The following ZBTB7C variants were observed in gnomAD, a reference collection of about 807,000 sequenced individuals.
ZBTB7C encodes zinc finger and BTB domain-containing protein 7C.
ZBTB7C carries 8 observed loss-of-function variants against 25.7 expected under a neutral mutation model. That is an observed-to-expected ratio of 0.31 (90% CI 0.18 to 0.56). The LOEUF (loss-of-function observed/expected upper bound fraction) is 0.56. Ranked by LOEUF, ZBTB7C falls within the 20% of genes least tolerant of loss-of-function variation. The pLI, the probability that ZBTB7C is intolerant of heterozygous loss-of-function variation, is 0.91. For synonymous variants in ZBTB7C, 394 were observed against 369.0 expected (o/e 1.07, Z -0.78); for missense variants, 824 against 855.2 (o/e 0.96, Z 0.46).
At chr18:48,037,426 T>C (rs1015817026) in intron 4 of ZBTB7C, among the ~76,000 whole-genome samples, 1 of 152,176 alleles carries the variant, frequency 6.6e-6, no homozygotes, top group African/African-American at 2.4e-5. Context: ...CACCCTCCTA[T>C]ACAACACAGC....
At chr18:48,096,838 A>G (rs185110531) in intron 3 of ZBTB7C, among the ~76,000 whole-genome samples, 1 of 152,350 alleles carries the variant, frequency 6.6e-6, no homozygotes, top group African/African-American at 2.4e-5. Context: ...TTCAACAGTT[A>G]TCAAAGTTTG....
chr18:48,054,063 ATT>A (rs1002349727), intron 3 of ZBTB7C, among the ~76,000 whole-genome samples: 3 of 152,208 alleles, frequency 2.0e-5, no homozygotes, highest in Non-Finnish European at 4.4e-5. Context: ...AGTTCAACGA[ATT>A]TAGAGACAGG....
At chr18:48,349,619 G>A (rs1031806964) in intron 1 of ZBTB7C, among the ~76,000 whole-genome samples, 2 of 152,342 alleles carry the variant, frequency 1.3e-5, no homozygotes, top group Admixed American at 1.3e-4. Context: ...GCTGGAGGAG[G>A]AAAGTTTAAA....
intron 2 of ZBTB7C, among the ~76,000 whole-genome samples, chr18:48,302,104 G>A (rs2144745355): frequency 6.6e-6 from 1 of 152,308 alleles, no homozygotes; most frequent in Admixed American, 6.5e-5. Context: ...GGCTTCTGCA[G>A]AATTCTCCTT....
intron 1 of ZBTB7C, among the ~76,000 whole-genome samples, chr18:48,341,889 G>A (rs1339900201): frequency 1.3e-5 from 2 of 152,190 alleles, no homozygotes; most frequent in Non-Finnish European, 2.9e-5. Flanking sequence ...AAACCCTGCC[G>A]TTGGTGGGGG....
At chr18:48,281,712 G>T (rs1191519496) in intron 2 of ZBTB7C, among the ~76,000 whole-genome samples, 1 of 151,996 alleles carries the variant, frequency 6.6e-6, no homozygotes, top group Non-Finnish European at 1.5e-5. Context: ...ATGAAAAAAT[G>T]CTCACCATCA....
intron 3 of ZBTB7C, among the ~76,000 whole-genome samples, chr18:48,138,069 G>A (rs1472242001): frequency 6.6e-6 from 1 of 152,270 alleles, no homozygotes; most frequent in African/African-American, 2.4e-5. Flanking sequence ...CGCCAGGGGA[G>A]TGAATCTTTC....
intron 2 of ZBTB7C, among the ~76,000 whole-genome samples, chr18:48,288,622 C>T (rs1159377299): frequency 6.6e-6 from 1 of 152,162 alleles, no homozygotes; most frequent in African/African-American, 2.4e-5. Context: ...CACCATTACA[C>T]TCCAGCCTAG....
chr18:48,340,653 G>A (rs564527123), intron 1 of ZBTB7C, among the ~76,000 whole-genome samples: 5 of 152,308 alleles, frequency 3.3e-5, no homozygotes, highest in Non-Finnish European at 5.9e-5. Context: ...TTTTGTTGGC[G>A]TGGGGAGGGT....
At chr18:48,334,421 G>C (rs1357218917) in intron 2 of ZBTB7C, among the ~76,000 whole-genome samples, 2 of 152,174 alleles carry the variant, frequency 1.3e-5, no homozygotes, top group Non-Finnish European at 2.9e-5. Context: ...GCCAAGAGAA[G>C]GGGCATCTTT....
At position 48,136,891 on chromosome 18, in the gene ZBTB7C, C is replaced by G. The variant is rs573743050; in HGVS notation, c.-17+49043G>C. The stretch of plus-strand genomic sequence containing the variant: ...GCGCGTAGCGAGAATGCCCGCAGCG[C>G]TCTCCCGGCCGCCCGGAAGGGCTTC... On this transcript the variant is annotated intron_variant, in intron 3 of 4. Coordinates refer to ENST00000590800, the MANE Select transcript of ZBTB7C (RefSeq NM_001318841.2). 45 of 882,192 alleles carry G rather than the reference C, an allele frequency of 5.1e-5. 1 individual carries two copies. In the East Asian group the frequency reaches 4.1e-3, roughly 80 times the overall value. The allele number at this position is 882,192 out of a possible 1,614,324, so 54.6% of individuals were successfully genotyped here. A position where few individuals can be genotyped will look rare whatever the true frequency, so the allele number is the denominator to read the frequency against.
At chr18:48,058,656 C>T (rs1451213624) in intron 3 of ZBTB7C, among the ~76,000 whole-genome samples, 1 of 152,222 alleles carries the variant, frequency 6.6e-6, no homozygotes, top group Non-Finnish European at 1.5e-5. Flanking sequence ...AGGATCCTCA[C>T]CTCGTGGTAT....
chr18:48,309,497 G>T (rs867737151), intron 2 of ZBTB7C, among the ~76,000 whole-genome samples: 3 of 152,208 alleles, frequency 2.0e-5, no homozygotes, highest in Admixed American at 1.3e-4. Flanking sequence ...AGAAGTGGGG[G>T]TAGTGGCAGC....
At chr18:48,094,384 A>G (rs2038538150) in intron 3 of ZBTB7C, among the ~76,000 whole-genome samples, 1 of 152,174 alleles carries the variant, frequency 6.6e-6, no homozygotes, top group Non-Finnish European at 1.5e-5. Context: ...GCTTCTGGTT[A>G]CCCCCAGCTA....
intron 1 of ZBTB7C, among the ~76,000 whole-genome samples, chr18:48,342,251 C>T (rs1412074092): frequency 6.6e-6 from 1 of 152,214 alleles, no homozygotes; most frequent in Non-Finnish European, 1.5e-5. Flanking sequence ...CAGAAGCTGC[C>T]CACTCAAAGG....
chr18:48,060,778 A>G (rs4072891), intron 3 of ZBTB7C, among the ~76,000 whole-genome samples: 77,567 of 151,934 alleles, frequency 0.51, 20,599 homozygotes, highest in African/African-American at 0.64. Flanking sequence ...AGTGGAAAAT[A>G]GGTGCTATTG....
At chr18:48,154,015 A>C (rs976226620) in intron 3 of ZBTB7C, among the ~76,000 whole-genome samples, 6 of 152,118 alleles carry the variant, frequency 3.9e-5, no homozygotes, top group Non-Finnish European at 1.5e-5. Flanking sequence ...GAAACTCGGA[A>C]AGGGAGGTCT....
At chr18:48,114,048 C>T (rs893097963) in intron 3 of ZBTB7C, among the ~76,000 whole-genome samples, 1 of 152,108 alleles carries the variant, frequency 6.6e-6, no homozygotes, top group Non-Finnish European at 1.5e-5. Context: ...GTACTTCTGC[C>T]CTCCACCGTG....
chr18:48,098,210 T>C (rs1277528384), intron 3 of ZBTB7C, among the ~76,000 whole-genome samples: 5 of 152,152 alleles, frequency 3.3e-5, no homozygotes, highest in Admixed American at 3.3e-4. Context: ...AATGAGTGGA[T>C]TTCCCCAGGC....
Sources: allele counts gnomAD v4.1 joint callset (sites outside exome capture counted in the v4.1 genomes callset), GRCh38; gene constraint gnomAD v4.1.1; transcripts MANE v1.5; gene names NCBI Gene and HGNC (gene_info 2026-07-23, HGNC 2026-07-21).